The following TFDP1 variants were observed in gnomAD, a reference collection of about 807,000 sequenced individuals.
The protein encoded by TFDP1 is transcription factor Dp-1.
TFDP1 carries 6 observed loss-of-function variants against 48.0 expected under a neutral mutation model. That is an observed-to-expected ratio of 0.13 (90% CI 0.07 to 0.25). TFDP1 has a LOEUF of 0.25. Among genes scored for constraint, TFDP1 ranks in the 10% least tolerant of loss-of-function variants. The pLI is 1.00. For missense variants in TFDP1, 335 were observed against 543.0 expected (o/e 0.62, Z 3.81); for synonymous variants, 201 against 211.6 (o/e 0.95, Z 0.44).
chr13:113,624,356 C>T (rs1255065005), intron 4 of TFDP1, among the ~76,000 whole-genome samples: 1 of 151,582 alleles, frequency 6.6e-6, no homozygotes, highest in Non-Finnish European at 1.5e-5. Flanking sequence ...TCAGGTGTCT[C>T]CCAGGCATCC....
At chr13:113,635,318 C>T (rs182162488) in intron 8 of TFDP1, among the ~76,000 whole-genome samples, 64 of 152,326 alleles carry the variant, frequency 4.2e-4, no homozygotes, top group Admixed American at 8.5e-4. Flanking sequence ...GGCTCGTGGG[C>T]AGGAGCTCCT....
chr13:113,590,490 A>G (rs1277689688), intron 2 of TFDP1, among the ~76,000 whole-genome samples: 1 of 152,200 alleles, frequency 6.6e-6, no homozygotes, highest in Admixed American at 6.5e-5. Context: ...TGAAGGAGTG[A>G]GTTCTGGGAA....
rs138258727 is a variant in TFDP1, at chr13:113,621,145, G to T, written c.80-2035G>T. 8.0e-4 allele frequency among the ~76,000 whole-genome samples: 122 copies of T among 152,376 alleles called. 1 individual carries two copies. Among genetic ancestry groups the T allele is most frequent in the African/African-American group, 2.8e-3 (116 of 41,592 alleles). On this transcript the variant is annotated intron_variant, in intron 3 of 11. Transcript: ENST00000375370. ...CCGATGATTCATGAGTCATTTTGGT[G>T]CTAACTGGTGGGAATGAAGGGAGAT... is the stretch of plus-strand genomic sequence containing the variant.
chr13:113,586,632 A>G (rs1566628879), intron 2 of TFDP1, among the ~76,000 whole-genome samples: 2 of 152,352 alleles, frequency 1.3e-5, no homozygotes, highest in South Asian at 4.1e-4. Flanking sequence ...AAGAGTCCGC[A>G]CATGCTGCCT....
At chr13:113,635,946 C>T (rs772354676) in intron 8 of TFDP1, 31 bp from the exon 9 acceptor site, 20 of 1,604,470 alleles carry the variant, frequency 1.2e-5, no homozygotes, top group African/African-American at 1.1e-4. Context: ...TGTGCCGCCA[C>T]GGGCCACCTG....
rs569407388 is a variant in TFDP1 at position 113,591,350 on chromosome 13, A to AAAAAG, written c.12+5505_12+5506insGAAAA. ...GAGCAAGACTTCATCTCAAAAAAAA[A>AAAAAG]AAAAAAGAAAAAAGTTTTGCCCCTA... On this transcript the variant is annotated intron_variant, in intron 2 of 11. Transcript: ENST00000375370. Among the ~76,000 whole-genome samples the AAAAAG allele has an allele frequency of 2.7e-4, 41 of 152,224 alleles. No individual in the cohort carries two copies. The East Asian group carries it at 7.7e-3, about 29-fold the overall frequency.
chr13:113,590,209 G>A (rs142409773), intron 2 of TFDP1, among the ~76,000 whole-genome samples: 7 of 152,312 alleles, frequency 4.6e-5, no homozygotes, highest in African/African-American at 1.7e-4. Context: ...ACGTGCCTTG[G>A]TTGTGAAAGC....
chr13:113,601,396 C>T (rs2048423326), intron 2 of TFDP1, among the ~76,000 whole-genome samples: 1 of 60,594 alleles, frequency 1.7e-5, no homozygotes, highest in East Asian at 4.4e-4. Flanking sequence ...TGTTCTTGCA[C>T]TTTGCCTTGT....
chr13:113,585,290 G>C (rs2047971869), intron 1 of TFDP1: 2 of 150,932 alleles, frequency 1.3e-5, no homozygotes, highest in Non-Finnish European at 3.0e-5. Flanking sequence ...GGCGGCCCGA[G>C]GCCTAGTGAC....
chr13:113,613,005 C>T (rs973845166), intron 3 of TFDP1, among the ~76,000 whole-genome samples: 1 of 132,716 alleles, frequency 7.5e-6, no homozygotes, highest in African/African-American at 3.2e-5. Context: ...TTCCACCGCA[C>T]AGACGGTGGT....
intron 4 of TFDP1, among the ~76,000 whole-genome samples, chr13:113,625,293 A>C (rs2049115397): frequency 8.2e-6 from 1 of 122,064 alleles, no homozygotes; most frequent in Non-Finnish European, 1.6e-5. Flanking sequence ...ACGTGTCCTC[A>C]GGTGTCTCTC....
chr13:113,590,201 G>A (rs553833749), intron 2 of TFDP1, among the ~76,000 whole-genome samples: 5 of 152,184 alleles, frequency 3.3e-5, no homozygotes, highest in African/African-American at 7.2e-5. Context: ...CGGTATTCAC[G>A]TGCCTTGGTT....
At chr13:113,592,053 C>T (rs1282187675) in intron 2 of TFDP1, among the ~76,000 whole-genome samples, 1 of 152,214 alleles carries the variant, frequency 6.6e-6, no homozygotes, top group African/African-American at 2.4e-5. Flanking sequence ...TTTAAGTTGT[C>T]GCACAGGTCA....
chr13:113,617,534 A>G (rs1328234490), intron 3 of TFDP1, among the ~76,000 whole-genome samples: 2 of 151,194 alleles, frequency 1.3e-5, no homozygotes, highest in Non-Finnish European at 2.9e-5. Flanking sequence ...AGAACCATTC[A>G]CCTGCAGAGC....
intron 2 of TFDP1, among the ~76,000 whole-genome samples, chr13:113,590,866 C>T (rs2048122152): frequency 6.6e-6 from 1 of 151,832 alleles, no homozygotes; most frequent in Non-Finnish European, 1.5e-5. Context: ...AAAAATTAGC[C>T]AGGCATGGTG....
intron 2 of TFDP1, among the ~76,000 whole-genome samples, chr13:113,603,833 T>C (rs957851894): frequency 3.3e-5 from 5 of 152,098 alleles, no homozygotes; most frequent in African/African-American, 4.8e-5. Flanking sequence ...GCATCTTGAG[T>C]GTAAAGATTT....
intron 3 of TFDP1, among the ~76,000 whole-genome samples, chr13:113,619,759 G>A (rs1039614508): frequency 7.2e-5 from 11 of 152,160 alleles, no homozygotes; most frequent in Non-Finnish European, 1.5e-4. Context: ...CCTCTGTCCC[G>A]TAGAGACTCA....
At chr13:113,608,915 C>T (rs1456603342) in intron 2 of TFDP1, among the ~76,000 whole-genome samples, 3 of 152,254 alleles carry the variant, frequency 2.0e-5, no homozygotes, top group Non-Finnish European at 2.9e-5. Flanking sequence ...CCAGGCTTAA[C>T]GTCTCGGCCT....
intron 2 of TFDP1, among the ~76,000 whole-genome samples, chr13:113,600,425 T>TCTGAGAGAGAACCCTTGCAC (rs2048388922): frequency 7.8e-6 from 1 of 127,520 alleles, no homozygotes; most frequent in Admixed American, 7.8e-5. Flanking sequence ...GCTCCAGGAC[T>TCTGAGAGAGAACCCTTGCAC]GTGAGAGAGA....
Sources: allele counts gnomAD v4.1 joint callset (sites outside exome capture counted in the v4.1 genomes callset), GRCh38; gene constraint gnomAD v4.1.1; transcripts MANE v1.5; gene names NCBI Gene and HGNC (gene_info 2026-07-23, HGNC 2026-07-21).